Variants in SLC25A21 observed in about 807,000 individuals in gnomAD.
SLC25A21 encodes mitochondrial 2-oxodicarboxylate carrier.
A neutral mutation model predicts 43.8 loss-of-function variants in SLC25A21; 47 were observed. That is an observed-to-expected ratio of 1.07 (90% CI 0.85 to 1.37). The LOEUF (loss-of-function observed/expected upper bound fraction) is 1.37. Ranked by LOEUF, SLC25A21 falls within the 40% of genes most tolerant of loss-of-function variation. The pLI is 0.00. For missense variants in SLC25A21, 352 were observed against 350.2 expected, an observed-to-expected ratio of 1.00 and a Z score of -0.04; for synonymous variants, 131 against 121.3, an observed-to-expected ratio of 1.08 and a Z score of -0.52.
At chr14:37,055,443 C>T (rs1186247014) in intron 1 of SLC25A21, among the ~76,000 whole-genome samples, 3 of 152,160 alleles carry the variant, frequency 2.0e-5, no homozygotes, top group Non-Finnish European at 2.9e-5. Context: ...CATTTCCTTT[C>T]CCTTGAATCT....
intron 1 of SLC25A21, among the ~76,000 whole-genome samples, chr14:37,135,727 T>A (rs913893606): frequency 6.6e-6 from 1 of 152,136 alleles, no homozygotes; most frequent in Non-Finnish European, 1.5e-5. Context: ...ATGGGAAAAA[T>A]AGTAGAGTGC....
intron 1 of SLC25A21, among the ~76,000 whole-genome samples, chr14:37,106,618 C>A (rs1222163118): frequency 6.6e-6 from 1 of 152,174 alleles, no homozygotes; most frequent in Non-Finnish European, 1.5e-5. Context: ...AGTAGCTCTG[C>A]TTTTGCCTTT....
chr14:37,120,456 A>G (rs1236773352), intron 1 of SLC25A21, among the ~76,000 whole-genome samples: 1 of 152,214 alleles, frequency 6.6e-6, no homozygotes, highest in Middle Eastern at 3.2e-3. Flanking sequence ...TACTGCCTTC[A>G]GTCCTCCAAT....
intron 1 of SLC25A21, among the ~76,000 whole-genome samples, chr14:37,085,793 T>C (rs1018942196): frequency 3.3e-5 from 5 of 152,166 alleles, no homozygotes; most frequent in African/African-American, 1.2e-4. Context: ...CTTTGTTAAG[T>C]AGACTTCAAA....
intron 2 of SLC25A21, among the ~76,000 whole-genome samples, chr14:36,851,368 A>T (rs1259380924): frequency 6.6e-6 from 1 of 152,164 alleles, no homozygotes; most frequent in African/African-American, 2.4e-5. Context: ...TTACCTTAAC[A>T]AGATGCTGGC....
chr14:36,889,833 T>C (rs1154126), intron 1 of SLC25A21, among the ~76,000 whole-genome samples: 44,121 of 152,052 alleles, frequency 0.29, 7,924 homozygotes, highest in East Asian at 0.83. Flanking sequence ...TATTCTTAAA[T>C]TACTAGCTCA....
rs140840561 is a variant in SLC25A21, at chr14:37,084,220, T to C, written c.70+88061A>G. On this transcript the variant is annotated intron_variant, in intron 1 of 9. Coordinates refer to ENST00000331299, the MANE Select transcript of SLC25A21 (RefSeq NM_030631.4). ...CACCTCTATGCTCTAGCTACAATAATGGCCTTCTCTCGGTTCCTTAAAAAT... is the reference window on the plus strand; with the variant it reads ...CACCTCTATGCTCTAGCTACAATAACGGCCTTCTCTCGGTTCCTTAAAAAT... 1.7e-3 allele frequency among the ~76,000 whole-genome samples: 266 copies of C among 152,302 alleles called. 1 individual carries two copies. The highest frequency in any genetic ancestry group is 5.9e-3 in the African/African-American group (245 of 41,564).
chr14:36,899,371 A>G (rs936424640), intron 1 of SLC25A21, among the ~76,000 whole-genome samples: 46 of 152,284 alleles, frequency 3.0e-4, no homozygotes, highest in African/African-American at 1.1e-3. Flanking sequence ...AAGACAAATT[A>G]TAAATAACCA....
At chr14:36,937,812 C>G (rs1229441641) in intron 1 of SLC25A21, among the ~76,000 whole-genome samples, 1 of 152,084 alleles carries the variant, frequency 6.6e-6, no homozygotes, top group Non-Finnish European at 1.5e-5. Context: ...ATAGAAAATG[C>G]TCAGAAACTC....
intron 6 of SLC25A21, among the ~76,000 whole-genome samples, chr14:36,716,444 A>T (rs1389485921): frequency 1.3e-5 from 2 of 152,206 alleles, no homozygotes; most frequent in African/African-American, 4.8e-5. Flanking sequence ...ACTATGTGAG[A>T]TGATACATAT....
At chr14:36,803,189 A>T (rs1028723341) in intron 3 of SLC25A21, among the ~76,000 whole-genome samples, 1 of 152,190 alleles carries the variant, frequency 6.6e-6, no homozygotes, top group Non-Finnish European at 1.5e-5. Flanking sequence ...AGGCTCTGGG[A>T]GAACAGTTTG....
intron 1 of SLC25A21, among the ~76,000 whole-genome samples, chr14:37,077,753 A>G (rs903391200): frequency 6.6e-6 from 1 of 152,190 alleles, no homozygotes; most frequent in Non-Finnish European, 1.5e-5. Flanking sequence ...TTCACATGAG[A>G]ATATTAATAT....
chr14:36,871,551 T>C (rs990742422), intron 2 of SLC25A21, among the ~76,000 whole-genome samples: 1 of 152,248 alleles, frequency 6.6e-6, no homozygotes, highest in African/African-American at 2.4e-5. Context: ...CCTGTCTTAA[T>C]TGACACAAGG....
At position 36,991,628 on chromosome 14, in the gene SLC25A21, G is replaced by A. The variant is rs553886445; in HGVS notation, c.71-116624C>T. ...CCATGTTATAGATGAAGAAACTGAG[G>A]CTTGAAAAGTTAAATAACTTGTCCA... On this transcript the variant is annotated intron_variant, in intron 1 of 9. Transcript: ENST00000331299. Among the ~76,000 whole-genome samples, 4 of 152,280 alleles carry A rather than the reference G, an allele frequency of 2.6e-5. No homozygotes were observed. In the South Asian group the frequency reaches 8.3e-4, roughly 32 times the overall value.
intron 2 of SLC25A21, among the ~76,000 whole-genome samples, chr14:36,815,795 C>T (rs979068764): frequency 1.3e-5 from 2 of 152,118 alleles, no homozygotes; most frequent in Admixed American, 6.6e-5. Flanking sequence ...GTTCTTTACC[C>T]TGCCTATTCC....
chr14:37,152,386 A>ATT (rs3061885), intron 1 of SLC25A21, among the ~76,000 whole-genome samples: 33,315 of 140,470 alleles, frequency 0.24, 4,544 homozygotes, highest in South Asian at 0.35. Context: ...TTTTATTTCA[A>ATT]TTTTTTTTTT....
chr14:37,148,279 G>A (rs963286887), intron 1 of SLC25A21, among the ~76,000 whole-genome samples: 7 of 152,138 alleles, frequency 4.6e-5, no homozygotes, highest in Non-Finnish European at 7.4e-5. Context: ...CAAAGTAAAA[G>A]ATGTCCTTGA....
At chr14:36,690,629 C>T (rs1011375517) in intron 7 of SLC25A21, among the ~76,000 whole-genome samples, 9 of 152,038 alleles carry the variant, frequency 5.9e-5, no homozygotes, top group Non-Finnish European at 1.3e-4. Context: ...GGTAAATGGT[C>T]CAGAGAGGGG....
At chr14:37,087,252 G>C (rs982077700) in intron 1 of SLC25A21, among the ~76,000 whole-genome samples, 1 of 152,078 alleles carries the variant, frequency 6.6e-6, no homozygotes. Context: ...ACCAAATAAG[G>C]AGCCAATTAG....
Sources: allele counts gnomAD v4.1 joint callset (sites outside exome capture counted in the v4.1 genomes callset), GRCh38; gene constraint gnomAD v4.1.1; transcripts MANE v1.5; gene names NCBI Gene and HGNC (gene_info 2026-07-23, HGNC 2026-07-21).